The following SPON1 variants were observed in gnomAD, a reference collection of about 807,000 sequenced individuals.
The protein encoded by SPON1 is spondin 1.
A neutral mutation model predicts 111.7 loss-of-function variants in SPON1; 52 were observed. The observed-to-expected ratio is 0.47, with a 90% CI of 0.37 to 0.59. The LOEUF (loss-of-function observed/expected upper bound fraction) is 0.59, where lower values mean the gene tolerates loss of function less well. Among genes scored for constraint, SPON1 ranks in the 20% least tolerant of loss-of-function variants. The pLI is 0.00. For synonymous variants in SPON1, 410 were observed against 395.8 expected, an observed-to-expected ratio of 1.04 and a Z score of -0.43; for missense variants, 957 against 1,068.5, an observed-to-expected ratio of 0.90 and a Z score of 1.46.
At chr11:14,196,542 A>G (rs554600484) in intron 6 of SPON1, among the ~76,000 whole-genome samples, 1 of 152,358 alleles carries the variant, frequency 6.6e-6, no homozygotes, top group African/African-American at 2.4e-5. Context: ...GAAGGACAGA[A>G]TAGAGGGAGG....
At chr11:14,081,741 C>T (rs1848963953) in intron 5 of SPON1, among the ~76,000 whole-genome samples, 1 of 151,802 alleles carries the variant, frequency 6.6e-6, no homozygotes, top group Non-Finnish European at 1.5e-5. Context: ...GCTCAGGTCC[C>T]AAAGGAAAGG....
rs782028263 is a variant in SPON1 at position 14,265,702 on chromosome 11, C to T, written c.*15C>T. 19 of 1,611,200 alleles carry T rather than the reference C, an allele frequency of 1.2e-5. No individual in the cohort carries two copies. In the Admixed American group the frequency reaches 2.0e-4, roughly 17 times the overall value. ...ATCCTTGTTAGCAAGGGTACGAGTT[C>T]CCCAGGGCTGCACTCTAGATTCCAG... On this transcript the variant is annotated 3_prime_UTR_variant, in exon 16 of 16. Coordinates refer to ENST00000576479, the MANE Select transcript of SPON1 (RefSeq NM_006108.4).
Position 14,259,506 on chromosome 11 carries a change from G to A in SPON1, c.1664-28G>A. ...CAAGTAGGTCGGGGAGGCAGCAGGT[G>A]CGACTCCAATGCCGCTGGCCTCCCC... On this transcript the variant is annotated intron_variant, in intron 12 of 15. Transcript: ENST00000576479. This position sits in a 1 kb window ranked among gnomAD's most constrained non-coding sequence, Gnocchi z 5.0. 6.4e-7 allele frequency: 1 copy of A among 1,566,892 alleles called. No homozygotes were observed. The highest frequency in any genetic ancestry group is 8.6e-7 in the Non-Finnish European group (1 of 1,156,136).
intron 4 of SPON1, 47 bp from the exon 5 acceptor site, chr11:14,079,852 C>A: frequency 6.2e-7 from 1 of 1,611,424 alleles, no homozygotes; most frequent in East Asian, 2.2e-5. Context: ...ACCTTATATA[C>A]AACCCACGTT....
intron 3 of SPON1, among the ~76,000 whole-genome samples, chr11:14,043,699 C>G (rs1296081171): frequency 6.6e-6 from 1 of 152,204 alleles, no homozygotes; most frequent in Non-Finnish European, 1.5e-5. Flanking sequence ...ATCCCTCTGG[C>G]CCAGATCTCT....
intron 8 of SPON1, 131 bp downstream of exon 8, chr11:14,254,860 G>A (rs1554941032): frequency 2.3e-6 from 2 of 854,508 alleles, no homozygotes; most frequent in Non-Finnish European, 3.6e-6. Context: ...GGCTGGCATG[G>A]TCGCATCATC....
chr11:14,065,740 A>ATG (rs1848827744), intron 3 of SPON1, among the ~76,000 whole-genome samples: 1 of 152,152 alleles, frequency 6.6e-6, no homozygotes, highest in African/African-American at 2.4e-5. Context: ...GGGGTCAGGA[A>ATG]CCCCTTTGAG....
chr11:14,047,431 C>T (rs1373311298), intron 3 of SPON1, among the ~76,000 whole-genome samples: 1 of 152,104 alleles, frequency 6.6e-6, no homozygotes, highest in Non-Finnish European at 1.5e-5. Context: ...AGTGTAGGCA[C>T]CCAGAGTATA....
rs951341913 is a variant in SPON1, at chr11:14,173,444, T to A, written c.825+37876T>A. 3.2e-4 allele frequency among the ~76,000 whole-genome samples: 48 copies of A among 152,194 alleles called. 1 individual carries two copies. Among genetic ancestry groups the A allele is most frequent in the Non-Finnish European group, 1.6e-4 (11 of 68,032 alleles). On this transcript the variant is annotated intron_variant, in intron 6 of 15. Coordinates refer to ENST00000576479, the MANE Select transcript of SPON1 (RefSeq NM_006108.4). Reference sequence around the variant, plus strand: ...TGCTTTGCCATTGGTTCGAACTTCCTCCTTTAGCTCGGAGTAGTTGGATCT... The same window carrying A: ...TGCTTTGCCATTGGTTCGAACTTCCACCTTTAGCTCGGAGTAGTTGGATCT...
intron 2 of SPON1, among the ~76,000 whole-genome samples, chr11:14,030,373 G>T (rs1848549166): frequency 6.6e-6 from 1 of 152,112 alleles, no homozygotes; most frequent in Admixed American, 6.5e-5. Context: ...GCTTTTGGGG[G>T]AGAAATGCAA....
chr11:14,154,847 A>G (rs1847825136), intron 6 of SPON1, among the ~76,000 whole-genome samples: 1 of 152,180 alleles, frequency 6.6e-6, no homozygotes, highest in African/African-American at 2.4e-5. Flanking sequence ...AGAAGCAGCC[A>G]GGCCACATCT....
At chr11:14,260,475 A>G in intron 13 of SPON1, 113 bp from the exon 14 acceptor site, 1 of 1,208,066 alleles carries the variant, frequency 8.3e-7, no homozygotes, top group Non-Finnish European at 1.2e-6. Context: ...GGCCAATTCC[A>G]CTTTATTCCA....
intron 5 of SPON1, among the ~76,000 whole-genome samples, chr11:14,090,076 G>C (rs530129268): frequency 6.6e-6 from 1 of 152,098 alleles, no homozygotes; most frequent in Non-Finnish European, 1.5e-5. Flanking sequence ...TTCTTAGACT[G>C]CTGGGCTCCA....
At chr11:14,091,845 G>C (rs896690291) in intron 5 of SPON1, among the ~76,000 whole-genome samples, 2 of 152,152 alleles carry the variant, frequency 1.3e-5, no homozygotes, top group African/African-American at 4.8e-5. Context: ...GGGAGGTGCC[G>C]AGAGCAAGCG....
At chr11:13,971,793 A>T (rs1276937908) in intron 1 of SPON1, among the ~76,000 whole-genome samples, 1 of 152,118 alleles carries the variant, frequency 6.6e-6, no homozygotes, top group African/African-American at 2.4e-5. Context: ...CCAGTGGAAT[A>T]TCCTCAAAGC....
Position 14,147,777 on chromosome 11 carries a change from G to A in SPON1, c.825+12209G>A, listed in dbSNP as rs142277069. Reference sequence around the variant, plus strand: ...TTTTTTTTTTTTTGAGAGGAGTCTCGCTAAACAAAGGGCTAATTTTTTTTT... The same window carrying A: ...TTTTTTTTTTTTTGAGAGGAGTCTCACTAAACAAAGGGCTAATTTTTTTTT... On this transcript the variant is annotated intron_variant, in intron 6 of 15. Transcript: ENST00000576479. Among the ~76,000 whole-genome samples the A allele has an allele frequency of 5.8e-4, 80 of 138,574 alleles. 1 individual carries two copies. The highest frequency in any genetic ancestry group is 2.0e-3 in the African/African-American group (75 of 37,978). The allele number at this position is 138,574 out of a possible 152,430, so 90.9% of individuals were successfully genotyped here. A position where few individuals can be genotyped will look rare whatever the true frequency, so the allele number is the denominator to read the frequency against.
rs575543928 is a variant in SPON1, at chr11:13,996,493, G to T, written c.345+13540G>T. On this transcript the variant is annotated intron_variant, in intron 2 of 15. Coordinates refer to ENST00000576479, the MANE Select transcript of SPON1 (RefSeq NM_006108.4). Reference sequence around the variant, plus strand: ...AATCATTTTCCTTCCCAGCAAGAAAGCCTGAGTCTGGGAACCAGAGGTATT... The same window carrying T: ...AATCATTTTCCTTCCCAGCAAGAAATCCTGAGTCTGGGAACCAGAGGTATT... 2.0e-5 allele frequency among the ~76,000 whole-genome samples: 3 copies of T among 152,334 alleles called. No homozygotes were observed. The South Asian group carries it at 6.2e-4, about 32-fold the overall frequency.
chr11:14,014,454 C>T (rs1045368933), intron 2 of SPON1, among the ~76,000 whole-genome samples: 8 of 152,202 alleles, frequency 5.3e-5, no homozygotes, highest in South Asian at 2.1e-4. Context: ...ACCTCTTATA[C>T]GCAATGGCAT....
At chr11:14,019,425 T>A (rs1015423355) in intron 2 of SPON1, among the ~76,000 whole-genome samples, 5 of 150,596 alleles carry the variant, frequency 3.3e-5, no homozygotes, top group Non-Finnish European at 7.4e-5. Context: ...AAATTGTATA[T>A]GATTATATAT....
Sources: allele counts gnomAD v4.1 joint callset (sites outside exome capture counted in the v4.1 genomes callset), GRCh38; gene constraint gnomAD v4.1.1; non-coding constraint Gnocchi (gnomAD v3.1); transcripts MANE v1.5; gene names NCBI Gene and HGNC (gene_info 2026-07-23, HGNC 2026-07-21).